Variants in ATP8B4 observed in about 807,000 individuals in gnomAD.
ATP8B4 encodes ATPase phospholipid transporting 8B4 (putative).
In ATP8B4, 133 loss-of-function variants were observed where a neutral mutation model predicts 145.6. The observed-to-expected ratio is 0.91, with a 90% CI of 0.79 to 1.05. The LOEUF is 1.05. Ranked by LOEUF, ATP8B4 falls within the 50% of genes least tolerant of loss-of-function variation. ATP8B4 has a pLI of 0.00. For synonymous variants in ATP8B4, 507 were observed against 492.9 expected (o/e 1.03, Z -0.38); for missense variants, 1,458 against 1,425.2 (o/e 1.02, Z -0.37).
intron 14 of ATP8B4, among the ~76,000 whole-genome samples, chr15:49,945,218 A>C (rs1444305804): frequency 6.6e-6 from 1 of 152,176 alleles, no homozygotes; most frequent in Non-Finnish European, 1.5e-5. Flanking sequence ...GAGAATCTTA[A>C]GAGACTTACG....
At chr15:49,921,551 T>C (rs553090442) in intron 17 of ATP8B4, among the ~76,000 whole-genome samples, 56 of 152,322 alleles carry the variant, frequency 3.7e-4, no homozygotes, top group African/African-American at 1.2e-3. Context: ...CTTCCAGTGG[T>C]CATTTTATGG....
intron 16 of ATP8B4, among the ~76,000 whole-genome samples, chr15:49,926,375 G>A (rs565355416): frequency 6.6e-6 from 1 of 152,116 alleles, no homozygotes; most frequent in South Asian, 2.1e-4. Flanking sequence ...TACATCTAAG[G>A]GAAGCTACGG....
intron 3 of ATP8B4, among the ~76,000 whole-genome samples, chr15:50,062,313 T>C (rs1490935897): frequency 6.6e-6 from 1 of 152,094 alleles, no homozygotes; most frequent in African/African-American, 2.4e-5. Context: ...TATGTCACCT[T>C]CCCACTCACT....
rs139808874 is a variant in ATP8B4 at position 50,144,304 on chromosome 15, T to C, written c.-42-37296A>G. On this transcript the variant is annotated intron_variant, in intron 1 of 3. Transcript: ENST00000558829. ...TCTGAGATAATTATATTGAACATGA[T>C]AGACTTTTGCATTCACAGTGTATTA... Among the ~76,000 whole-genome samples the C allele has an allele frequency of 6.6e-5, 10 of 152,330 alleles. 1 individual carries two copies. Among genetic ancestry groups the C allele is most frequent in the African/African-American group, 2.2e-4 (9 of 41,574 alleles).
At chr15:49,931,876 G>A (rs2041290257) in intron 15 of ATP8B4, among the ~76,000 whole-genome samples, 1 of 151,832 alleles carries the variant, frequency 6.6e-6, no homozygotes, top group African/African-American at 2.4e-5. Flanking sequence ...CCCTTGAAAT[G>A]TAAGAAATCA....
chr15:50,158,867 G>A (rs1024040413), intron 1 of ATP8B4, among the ~76,000 whole-genome samples: 11 of 152,294 alleles, frequency 7.2e-5, no homozygotes, highest in Non-Finnish European at 1.2e-4. Flanking sequence ...GATTAAGGGT[G>A]GTGCAAGATG....
At chr15:50,177,267 T>C (rs975225572) in intron 1 of ATP8B4, among the ~76,000 whole-genome samples, 17 of 152,200 alleles carry the variant, frequency 1.1e-4, no homozygotes, top group Non-Finnish European at 2.1e-4. Context: ...CACAAGTCAC[T>C]GTGAGAGCTC....
intron 21 of ATP8B4, among the ~76,000 whole-genome samples, chr15:49,898,945 ATTTT>A (rs201608867): frequency 1.3e-5 from 2 of 151,930 alleles, no homozygotes; most frequent in Non-Finnish European, 2.9e-5. Context: ...TAACTGTGCA[ATTTT>A]TTTTTCCTAG....
chr15:50,058,649 G>A (rs978251683), intron 3 of ATP8B4, among the ~76,000 whole-genome samples: 1 of 152,120 alleles, frequency 6.6e-6, no homozygotes, highest in East Asian at 1.9e-4. Flanking sequence ...AACCTCTAAG[G>A]ATCAGATGGA....
intron 2 of ATP8B4, among the ~76,000 whole-genome samples, chr15:50,080,901 C>A (rs1328421666): frequency 6.6e-6 from 1 of 152,112 alleles, no homozygotes; most frequent in African/African-American, 2.4e-5. Flanking sequence ...ATCATGATGT[C>A]AGGAGATCGA....
intron 1 of ATP8B4, among the ~76,000 whole-genome samples, chr15:50,131,183 A>G (rs2057343573): frequency 6.6e-6 from 1 of 152,110 alleles, no homozygotes; most frequent in African/African-American, 2.4e-5. Flanking sequence ...ACACATGGGG[A>G]TTATGGGGAT....
At chr15:49,875,879 G>T (rs910141938) in intron 25 of ATP8B4, among the ~76,000 whole-genome samples, 2 of 152,118 alleles carry the variant, frequency 1.3e-5, no homozygotes, top group Non-Finnish European at 2.9e-5. Context: ...GAAATGTATT[G>T]CCAAGCAAAC....
intron 1 of ATP8B4, among the ~76,000 whole-genome samples, chr15:50,167,710 T>C (rs1022240926): frequency 1.3e-5 from 2 of 152,228 alleles, no homozygotes; most frequent in African/African-American, 4.8e-5. Context: ...GTTATAGTCC[T>C]TGCTTCACAA....
chr15:50,012,629 G>C (rs943227791), intron 6 of ATP8B4, among the ~76,000 whole-genome samples: 3 of 152,132 alleles, frequency 2.0e-5, no homozygotes, highest in Non-Finnish European at 2.9e-5. Flanking sequence ...ACCATGAGAG[G>C]AAATTGTCTT....
At chr15:49,954,417 TACTC>T (rs1273477855) in intron 14 of ATP8B4, among the ~76,000 whole-genome samples, 2 of 151,670 alleles carry the variant, frequency 1.3e-5, no homozygotes, top group African/African-American at 4.8e-5. Context: ...TGGGAGAAAA[TACTC>T]ACAAACTATG....
In ATP8B4 at chr15:49,917,534, A is replaced by G. The variant is rs2039867870; in HGVS notation, c.2036-495T>C. On this transcript the variant is annotated intron_variant, in intron 19 of 27. Coordinates refer to ENST00000284509, the MANE Select transcript of ATP8B4 (RefSeq NM_024837.4). ...TATGAAATTTTTATAGTTCTCTCAC[A>G]CACAACATTGCCATTTTCCCATTAA... 3.9e-5 allele frequency among the ~76,000 whole-genome samples: 6 copies of G among 152,194 alleles called. No individual in the cohort carries two copies. The South Asian group carries it at 1.2e-3, about 31-fold the overall frequency.
intron 4 of ATP8B4, among the ~76,000 whole-genome samples, chr15:50,045,059 G>A (rs1486390269): frequency 5.3e-5 from 8 of 152,148 alleles, no homozygotes; most frequent in African/African-American, 1.9e-4. Context: ...AAGAGAGATT[G>A]TTTGAACATC....
At chr15:49,993,480 C>G (rs899660096) in intron 9 of ATP8B4, among the ~76,000 whole-genome samples, 11 of 152,020 alleles carry the variant, frequency 7.2e-5, no homozygotes, top group Admixed American at 3.3e-4. Context: ...CAAGAGCAAT[C>G]GTGGGAAGGA....
At position 49,859,218 on chromosome 15, in the gene ATP8B4, A is replaced by T. The variant is rs1240367301; in HGVS notation, c.*976T>A. On this transcript the variant is annotated 3_prime_UTR_variant, in exon 28 of 28. Transcript: ENST00000284509. ...GTATCAAAAGCAACTAATTTTAAAC[A>T]ATCTAAACCTGAGTTTTTAAATAGT... 1.3e-5 allele frequency: 2 copies of T among 152,256 alleles called. No homozygotes were observed. Among genetic ancestry groups the T allele is most frequent in the East Asian group, 3.8e-4 (2 of 5,206 alleles). 9.4% of individuals were successfully genotyped at this position (152,256 alleles called of 1,614,324 possible). A position where few individuals can be genotyped will look rare whatever the true frequency, so the allele number is the denominator to read the frequency against.
Sources: allele counts gnomAD v4.1 joint callset (sites outside exome capture counted in the v4.1 genomes callset), GRCh38; gene constraint gnomAD v4.1.1; transcripts MANE v1.5; gene names NCBI Gene and HGNC (gene_info 2026-07-23, HGNC 2026-07-21).